Variants in DLGAP2 observed in about 807,000 individuals in gnomAD.
DLGAP2 encodes DLG associated protein 2.
In DLGAP2, 26 loss-of-function variants were observed where a neutral mutation model predicts 100.3. That is an observed-to-expected ratio of 0.26 (90% confidence interval 0.19 to 0.36). The LOEUF is 0.36. Among genes scored for constraint, DLGAP2 ranks in the 10% least tolerant of loss-of-function variants. DLGAP2 has a pLI of 1.00. For missense variants in DLGAP2, 1,858 were observed against 1,453.2 expected, an observed-to-expected ratio of 1.28 and a Z score of -4.53; for synonymous variants, 886 against 630.1, an observed-to-expected ratio of 1.41 and a Z score of -6.08.
chr8:1,391,762 T>A (rs10866926), intron 3 of DLGAP2, among the ~76,000 whole-genome samples: 107,507 of 152,200 alleles, frequency 0.71, 38,059 homozygotes, highest in South Asian at 0.74. Flanking sequence ...TTTTTCCTAG[T>A]TTGAAGAAAA....
chr8:762,452 G>A (rs1048537528), intron 1 of DLGAP2, among the ~76,000 whole-genome samples: 2 of 152,222 alleles, frequency 1.3e-5, no homozygotes, highest in African/African-American at 4.8e-5. Context: ...CTCAAATGGA[G>A]TGGAATTAAG....
intron 1 of DLGAP2, among the ~76,000 whole-genome samples, chr8:805,827 G>A (rs1014553312): frequency 3.3e-5 from 5 of 152,156 alleles, no homozygotes; most frequent in Admixed American, 1.3e-4. Flanking sequence ...CGCAGCCTGC[G>A]CTGTGATTTT....
At chr8:1,458,159 G>C (rs1003767565) in intron 3 of DLGAP2, among the ~76,000 whole-genome samples, 1 of 151,500 alleles carries the variant, frequency 6.6e-6, no homozygotes, top group South Asian at 2.1e-4. Context: ...ACCCGCCTCG[G>C]CCTCCCAAAG....
chr8:1,468,546 T>C (rs565389605), intron 3 of DLGAP2, among the ~76,000 whole-genome samples: 1 of 152,324 alleles, frequency 6.6e-6, no homozygotes, highest in African/African-American at 2.4e-5. Context: ...TTCCAACACA[T>C]GGATCCCAAG....
intron 2 of DLGAP2, among the ~76,000 whole-genome samples, chr8:1,213,164 C>T (rs568158751): frequency 1.3e-5 from 2 of 152,194 alleles, no homozygotes; most frequent in Non-Finnish European, 2.9e-5. Context: ...GATTTCCTTG[C>T]TGTGTGCGGG....
chr8:1,162,047 C>A (rs60394043), intron 2 of DLGAP2, among the ~76,000 whole-genome samples: 52,335 of 152,070 alleles, frequency 0.34, 9,204 homozygotes, highest in Middle Eastern at 0.46. Context: ...GAGGGGAGCC[C>A]GGAGCCTGCG....
chr8:849,356 C>T (rs1797137669), intron 1 of DLGAP2, among the ~76,000 whole-genome samples: 1 of 152,228 alleles, frequency 6.6e-6, no homozygotes, highest in African/African-American at 2.4e-5. Flanking sequence ...TTGCTGAAAG[C>T]ACTGGAGCTG....
At chr8:968,966 A>G (rs1410782065) in intron 2 of DLGAP2, among the ~76,000 whole-genome samples, 1 of 152,210 alleles carries the variant, frequency 6.6e-6, no homozygotes, top group Non-Finnish European at 1.5e-5. Context: ...CCGCGAACCA[A>G]TCAAGGACAT....
intron 3 of DLGAP2, among the ~76,000 whole-genome samples, chr8:1,356,416 A>G (rs1801852562): frequency 6.6e-6 from 1 of 152,192 alleles, no homozygotes; most frequent in African/African-American, 2.4e-5. Flanking sequence ...ACCATGTGAA[A>G]CCACAAGCGC....
At chr8:974,747 G>A (rs561946983) in intron 2 of DLGAP2, among the ~76,000 whole-genome samples, 2 of 152,078 alleles carry the variant, frequency 1.3e-5, no homozygotes, top group Non-Finnish European at 2.9e-5. Context: ...TACCAAAAAG[G>A]CCAGATTAAA....
In DLGAP2 at chr8:1,240,790, C is replaced by G. The variant is rs189335111; in HGVS notation, c.74-18061C>G. 2.8e-4 allele frequency among the ~76,000 whole-genome samples: 2 copies of G among 7,208 alleles called. 1 individual carries two copies. The highest frequency in any genetic ancestry group is 1.9e-3 in the African/African-American group (2 of 1,080). 4.7% of individuals were successfully genotyped at this position (7,208 alleles called of 152,430 possible). Reference sequence around the variant, plus strand: ...CTAGTTGTCTCACATGGTGCCGTTTCTAGTTCTTTCACATGGCGCCATGTC... The same window carrying G: ...CTAGTTGTCTCACATGGTGCCGTTTGTAGTTCTTTCACATGGCGCCATGTC... On this transcript the variant is annotated intron_variant, in intron 2 of 14. Transcript: ENST00000637795.
At chr8:1,143,205 A>G (rs1585099419) in intron 2 of DLGAP2, among the ~76,000 whole-genome samples, 1 of 152,164 alleles carries the variant, frequency 6.6e-6, no homozygotes, top group South Asian at 2.1e-4. Context: ...ACTATATGAC[A>G]AGGGTAAAAT....
intron 3 of DLGAP2, among the ~76,000 whole-genome samples, chr8:1,407,888 T>A (rs183710991): frequency 2.0e-5 from 3 of 147,624 alleles, no homozygotes; most frequent in Non-Finnish European, 4.5e-5. Flanking sequence ...CCTTGTCCTC[T>A]GGAGTCATGT....
chr8:1,323,601 G>A (rs1800955673), intron 3 of DLGAP2, among the ~76,000 whole-genome samples: 1 of 152,234 alleles, frequency 6.6e-6, no homozygotes. Flanking sequence ...AGCTCCTGCT[G>A]TACGGGGATG....
intron 8 of DLGAP2, among the ~76,000 whole-genome samples, chr8:1,660,624 A>G (rs1270945340): frequency 1.3e-5 from 2 of 152,234 alleles, no homozygotes; most frequent in African/African-American, 4.8e-5. Context: ...TTTAAACGCT[A>G]CAGGTCAGTT....
chr8:746,439 G>C (rs748059371), intron 1 of DLGAP2, among the ~76,000 whole-genome samples: 1 of 152,244 alleles, frequency 6.6e-6, no homozygotes, highest in Non-Finnish European at 1.5e-5. Flanking sequence ...GGGTCACACA[G>C]AGCCACAGGC....
chr8:1,426,361 T>A (rs1797236370), intron 3 of DLGAP2, among the ~76,000 whole-genome samples: 1 of 151,306 alleles, frequency 6.6e-6, no homozygotes, highest in Non-Finnish European at 1.5e-5. Context: ...AAATGCTGAG[T>A]TGCCCACGAG....
chr8:1,577,738 G>A (rs1803049364), intron 6 of DLGAP2, among the ~76,000 whole-genome samples: 1 of 152,118 alleles, frequency 6.6e-6, no homozygotes, highest in South Asian at 2.1e-4. Context: ...GGGAGTGAGA[G>A]GAGCCTGCAG....
At chr8:1,087,568 A>G (rs1484637133) in intron 2 of DLGAP2, among the ~76,000 whole-genome samples, 3 of 128,240 alleles carry the variant, frequency 2.3e-5, no homozygotes, top group African/African-American at 2.8e-5. Flanking sequence ...TTTTTTTTTC[A>G]TGTTCTCTCT....
Sources: allele counts gnomAD v4.1 joint callset (sites outside exome capture counted in the v4.1 genomes callset), GRCh38; gene constraint gnomAD v4.1.1; transcripts MANE v1.5; gene names NCBI Gene and HGNC (gene_info 2026-07-23, HGNC 2026-07-21).